Variants in AFDN observed in about 807,000 individuals in gnomAD.
AFDN encodes the protein afadin.
AFDN carries 68 observed loss-of-function variants against 216.6 expected under a neutral mutation model. That is an observed-to-expected ratio of 0.31 (90% CI 0.26 to 0.38). The LOEUF (loss-of-function observed/expected upper bound fraction) is 0.38. Ranked by LOEUF, AFDN falls within the 10% of genes least tolerant of loss-of-function variation. The probability of loss-of-function intolerance (pLI) is 1.00; values close to 1 mark genes in which losing one functional copy is unlikely to be tolerated. For synonymous variants in AFDN, 868 were observed against 853.7 expected (o/e 1.02, Z -0.29); for missense variants, 2,136 against 2,342.0 (o/e 0.91, Z 1.82).
chr6:167,922,773 T>A, intron 21 of AFDN, 83 bp from the exon 22 acceptor site: 1 of 866,600 alleles, frequency 1.2e-6, no homozygotes, highest in Non-Finnish European at 1.9e-6. Context: ...GTGTTGGATA[T>A]TAAGCAATTG....
intron 15 of AFDN, chr6:167,911,834 C>G (rs1456414582): frequency 3.2e-6 from 1 of 312,360 alleles, no homozygotes; most frequent in East Asian, 7.6e-5. Flanking sequence ...GTGAACAATT[C>G]AGTCGCATTT....
chr6:167,923,016 A>G lies in AFDN; in HGVS notation c.3012+57A>G, dbSNP rs753611216. 4 of 1,240,278 alleles carry G rather than the reference A, an allele frequency of 3.2e-6. No individual in the cohort carries two copies. In the African/African-American group the frequency reaches 4.5e-5, roughly 14 times the overall value. The allele number at this position is 1,240,278 out of a possible 1,614,324, so 76.8% of individuals were successfully genotyped here. On this transcript the variant is annotated intron_variant, in intron 22 of 33. Transcript: ENST00000683244. ...TGGATCCTTAGGACTTGAAGATGTG[A>G]TGCAGATTTGTTTCTTTCTTACACT...
At chr6:167,953,992 G>A (rs768247323) in intron 30 of AFDN, among the ~76,000 whole-genome samples, 7 of 152,148 alleles carry the variant, frequency 4.6e-5, no homozygotes, top group African/African-American at 9.7e-5. Flanking sequence ...TAGCCTTGTA[G>A]TATTTCTGTA....
chr6:167,906,105 G>GA lies in AFDN; in HGVS notation c.1651-1058dup, dbSNP rs1367438142. Among the ~76,000 whole-genome samples, 3 of 151,664 alleles carry GA rather than the reference G, an allele frequency of 2.0e-5. No individual in the cohort carries two copies. In the East Asian group the frequency reaches 5.8e-4, roughly 29 times the overall value. The stretch of plus-strand genomic sequence containing the variant: ...GTGACAGAGCGAGACTCCGTCCCAA[G>GA]AAAAAAAACCAAAAAACTCTTATGG... On this transcript the variant is annotated intron_variant, in intron 12 of 33. Transcript: ENST00000683244.
intron 23 of AFDN, among the ~76,000 whole-genome samples, chr6:167,928,626 C>G (rs908445472): frequency 1.3e-5 from 2 of 152,206 alleles, no homozygotes; most frequent in Admixed American, 6.5e-5. Context: ...GTGCAGAGCC[C>G]TAGGAGTGCC....
chr6:167,864,993 T>C (rs2128229382), intron 2 of AFDN: 2 of 616,936 alleles, frequency 3.2e-6, no homozygotes, highest in East Asian at 3.1e-5. Context: ...TGCTTATTTC[T>C]CCAAAGATAA....
intron 1 of AFDN, among the ~76,000 whole-genome samples, chr6:167,832,145 G>A (rs774582447): frequency 1.3e-5 from 2 of 152,298 alleles, no homozygotes; most frequent in African/African-American, 2.4e-5. Flanking sequence ...GAGATCAAAT[G>A]TATCTGTCTG....
chr6:167,827,303 C>CCCG (rs1212634621), intron 1 of AFDN, 66 bp downstream of exon 1: 11 of 598,392 alleles, frequency 1.8e-5, no homozygotes, highest in Admixed American at 6.6e-5. Flanking sequence ...GCCCCTCCCC[C>CCCG]CCGCCGCCGC....
rs1797954123 is a variant in AFDN, at chr6:167,970,510, G to A, written c.*575G>A. On this transcript the variant is annotated 3_prime_UTR_variant, in exon 34 of 34. Transcript: ENST00000683244. ...TCCTTCTAGTCTGCATCGTGAAGTG[G>A]CTTAGGCCAAAGCTTCCTGTGTGAT... 4.6e-6 allele frequency: 1 copy of A among 217,844 alleles called. No homozygotes were observed. The highest frequency in any genetic ancestry group is 2.2e-5 in the African/African-American group (1 of 44,598). 13.5% of individuals were successfully genotyped at this position (217,844 alleles called of 1,614,324 possible).
intron 6 of AFDN, among the ~76,000 whole-genome samples, chr6:167,887,239 G>A (rs773535824): frequency 6.6e-6 from 1 of 151,894 alleles, no homozygotes; most frequent in Admixed American, 6.6e-5. Flanking sequence ...CACCTTAATC[G>A]GGGTTTTAAA....
intron 30 of AFDN, chr6:167,952,609 G>T: frequency 7.1e-6 from 4 of 561,026 alleles, no homozygotes; most frequent in Non-Finnish European, 9.0e-6. Context: ...CAGCTCTGCT[G>T]TTGTAGCACA....
At chr6:167,874,765 G>T (rs1785162922) in intron 4 of AFDN, among the ~76,000 whole-genome samples, 1 of 151,874 alleles carries the variant, frequency 6.6e-6, no homozygotes, top group African/African-American at 2.4e-5. Flanking sequence ...ACAGGCATTT[G>T]CCACCACGCT....
intron 23 of AFDN, among the ~76,000 whole-genome samples, chr6:167,926,486 A>C (rs1016530921): frequency 6.6e-6 from 1 of 152,230 alleles, no homozygotes; most frequent in African/African-American, 2.4e-5. Context: ...TGTGTCACCC[A>C]GGCTGGAGTG....
chr6:167,864,825 A>G (rs1007717324), intron 2 of AFDN, 79 bp downstream of exon 2: 1 of 1,422,306 alleles, frequency 7.0e-7, no homozygotes, highest in Non-Finnish European at 9.9e-7. Flanking sequence ...CATTGTGGTC[A>G]TGTCAGGTTT....
intron 13 of AFDN, among the ~76,000 whole-genome samples, chr6:167,909,703 A>G (rs746854073): frequency 1.2e-4 from 19 of 152,186 alleles, no homozygotes; most frequent in Admixed American, 3.9e-4. Flanking sequence ...TTGAGTAAGT[A>G]TTAGTCTCAG....
intron 1 of AFDN, among the ~76,000 whole-genome samples, chr6:167,862,558 A>G (rs1468578858): frequency 1.3e-5 from 2 of 152,064 alleles, no homozygotes; most frequent in Admixed American, 6.5e-5. Context: ...GTATTTTTGT[A>G]GAGACAGGGT....
intron 1 of AFDN, among the ~76,000 whole-genome samples, chr6:167,863,476 A>T (rs1783815122): frequency 6.6e-6 from 1 of 152,224 alleles, no homozygotes; most frequent in African/African-American, 2.4e-5. Context: ...AGCCATTGCA[A>T]AATGTAAAGC....
In AFDN at chr6:167,915,300, C is replaced by A; in HGVS notation, c.2432C>A (p.Thr811Asn). 9.9e-6 allele frequency: 16 copies of A among 1,614,254 alleles called. No homozygotes were observed. The highest frequency in any genetic ancestry group is 1.3e-5 in the Non-Finnish European group (15 of 1,180,038). The change falls in exon 19 of 34, where the codon ACC becomes AAC. Residue 811 changes from threonine (T) to asparagine (N), a missense_variant. By Grantham distance (65) the Thr-to-Asn change is moderately conservative. This residue lies in a region of AFDN where 817 missense variants were observed against 965.7 expected (regional missense o/e 0.85). Transcript: ENST00000683244. Reference sequence around the variant, plus strand: ...ATGTGGCTGTTCAATAGATTGGTGACCGACCCAGATTCGGGGCTGTGCTCC... The same window carrying A: ...ATGTGGCTGTTCAATAGATTGGTGAACGACCCAGATTCGGGGCTGTGCTCC... ...INMWLFNRLV[T>N]DPDSGLCSHY...
chr6:167,842,071 A>G (rs997936903), intron 1 of AFDN, among the ~76,000 whole-genome samples: 6 of 151,652 alleles, frequency 4.0e-5, no homozygotes, highest in African/African-American at 1.5e-4. Flanking sequence ...AAACATTTCT[A>G]CTCCAACTTA....
Sources: gnomAD v4.1 joint callset for allele counts (sites outside exome capture counted in the v4.1 genomes callset) on GRCh38, gnomAD v4.1.1 for gene constraint, gnomAD v4.1.1 regional missense constraint, MANE v1.5 for transcripts, NCBI Gene and HGNC (gene_info 2026-07-23, HGNC 2026-07-21) for gene names.